The following ODR4 variants were observed in gnomAD, a reference collection of about 807,000 sequenced individuals.
ODR4 encodes the protein odr-4 GPCR localization factor homolog.
ODR4 carries 47 observed loss-of-function variants against 60.2 expected under a neutral mutation model. The observed-to-expected ratio is 0.78, with a 90% CI of 0.62 to 1.00. The LOEUF (loss-of-function observed/expected upper bound fraction) is 1.00, where lower values mean the gene tolerates loss of function less well. ODR4 is among the 50% of genes least tolerant of loss of function. The pLI is 0.00. For missense variants in ODR4, 488 were observed against 530.8 expected, an observed-to-expected ratio of 0.92 and a Z score of 0.79; for synonymous variants, 178 against 175.5, an observed-to-expected ratio of 1.01 and a Z score of -0.11.
intron 12 of ODR4, among the ~76,000 whole-genome samples, chr1:186,413,224 T>C (rs747268566): frequency 7.9e-5 from 12 of 151,400 alleles, no homozygotes; most frequent in Non-Finnish European, 1.6e-4. Context: ...ACATTTTGGG[T>C]TTTGGATTTC....
intron 3 of ODR4, 133 bp downstream of exon 3, chr1:186,383,289 G>T: frequency 1.0e-6 from 1 of 994,178 alleles, no homozygotes. Context: ...TTTTTAGTCT[G>T]GGTGTCTAGG....
At chr1:186,409,596 A>C (rs989675500) in intron 12 of ODR4, among the ~76,000 whole-genome samples, 1 of 152,214 alleles carries the variant, frequency 6.6e-6, no homozygotes, top group African/African-American at 2.4e-5. Flanking sequence ...CCCAAGCTGG[A>C]TTGCAATGTT....
chr1:186,409,926 A>G (rs1661308374), intron 12 of ODR4, among the ~76,000 whole-genome samples: 1 of 152,194 alleles, frequency 6.6e-6, no homozygotes, highest in Admixed American at 6.5e-5. Context: ...AAACTCCTTC[A>G]CTAAACTTTC....
rs969880405 is a variant in ODR4, at chr1:186,419,904, G to T, written c.*828G>T. ...ACTGTGTGTTTTGTTCTGATCAAGG[G>T]GTAGGGAACCTTTCCAGAGAAGTCC... is the stretch of plus-strand genomic sequence containing the variant. On this transcript the variant is annotated 3_prime_UTR_variant, in exon 14 of 14. Coordinates refer to ENST00000287859, the MANE Select transcript of ODR4 (RefSeq NM_017847.6). 6.6e-6 allele frequency: 1 copy of T among 151,938 alleles called. No homozygotes were observed. The highest frequency in any genetic ancestry group is 1.9e-4 in the East Asian group (1 of 5,182). 9.4% of individuals were successfully genotyped at this position (151,938 alleles called of 1,614,324 possible).
At chr1:186,423,085 A>T (rs1049563100), downstream of ODR4, among the ~76,000 whole-genome samples, 2 of 152,186 alleles carry the variant, frequency 1.3e-5, no homozygotes, top group African/African-American at 4.8e-5. Flanking sequence ...CTCAGGAAGA[A>T]ATAGAAAAGC....
downstream of ODR4, among the ~76,000 whole-genome samples, chr1:186,425,531 T>C (rs1329136805): frequency 6.6e-6 from 1 of 152,174 alleles, no homozygotes; most frequent in African/African-American, 2.4e-5. Context: ...TCCATGACTT[T>C]TCCATTAGAA....
chr1:186,427,960 C>T, the ODR4 span, among the ~76,000 whole-genome samples: 7 of 152,284 alleles, frequency 4.6e-5, no homozygotes, highest in South Asian at 2.1e-4. Flanking sequence ...GGAAAGTAGA[C>T]GTGCTGTCAT....
At chr1:186,405,838 C>T (rs1046805200) in intron 11 of ODR4, among the ~76,000 whole-genome samples, 11 of 152,152 alleles carry the variant, frequency 7.2e-5, no homozygotes, top group African/African-American at 1.2e-4. Flanking sequence ...AGGCATGAGC[C>T]ACCGCGCCTG....
Position 186,419,325 on chromosome 1 carries a change from A to T in ODR4, c.*249A>T. ...AGATGGAAGCTGCATGTAACAAATC[A>T]TTATTATCTATTTTTAAAAGCTTCA... On this transcript the variant is annotated 3_prime_UTR_variant, in exon 14 of 14. Transcript: ENST00000287859. 2.1e-6 allele frequency: 1 copy of T among 483,852 alleles called. No homozygotes were observed. The highest frequency in any genetic ancestry group is 2.7e-5 in the South Asian group (1 of 37,572). The allele number at this position is 483,852 out of a possible 1,614,324, so 30.0% of individuals were successfully genotyped here. A position where few individuals can be genotyped will look rare whatever the true frequency, so the allele number is the denominator to read the frequency against.
Position 186,390,781 on chromosome 1 carries a change from C to G in ODR4, c.545C>G (p.Thr182Arg). 1.2e-6 allele frequency: 2 copies of G among 1,612,392 alleles called. No homozygotes were observed. Among genetic ancestry groups the G allele is most frequent in the African/African-American group, 1.3e-5 (1 of 74,984 alleles). Residue 182 changes from threonine to arginine, a missense_variant, in exon 7 of 14, where the codon ACA becomes AGA. Transcript: ENST00000287859. ...LSSSWLSLECTVHINIHIPLS... is the reference protein window; with the variant it reads ...LSSSWLSLECRVHINIHIPLS... Reference sequence around the variant, plus strand: ...TCCTCATGGCTTTCTTTAGAGTGTACAGTTCACATTAATATTCACATCCCA... The same window carrying G: ...TCCTCATGGCTTTCTTTAGAGTGTAGAGTTCACATTAATATTCACATCCCA...
At chr1:186,433,335 A>C in the ODR4 span, among the ~76,000 whole-genome samples, 1 of 151,994 alleles carries the variant, frequency 6.6e-6, no homozygotes, top group Non-Finnish European at 1.5e-5. Context: ...TTAAGTTTTA[A>C]GAATTTCAGA....
chr1:186,415,722 A>C (rs927474286), intron 12 of ODR4, among the ~76,000 whole-genome samples: 1 of 152,232 alleles, frequency 6.6e-6, no homozygotes, highest in Non-Finnish European at 1.5e-5. Context: ...GAAAACTATT[A>C]GCCTGTGTGG....
At chr1:186,387,728 C>T (rs1660307375) in intron 4 of ODR4, among the ~76,000 whole-genome samples, 1 of 152,132 alleles carries the variant, frequency 6.6e-6, no homozygotes, top group African/African-American at 2.4e-5. Context: ...TTGTTTTTAG[C>T]TTACAGACCA....
intron 13 of ODR4, among the ~76,000 whole-genome samples, chr1:186,418,325 C>T (rs1199676803): frequency 7.6e-6 from 1 of 131,242 alleles, no homozygotes; most frequent in African/African-American, 2.8e-5. Context: ...GAGTCTCGCT[C>T]TGTCGCCCAG....
At chr1:186,398,894 A>C (rs1660802548) in intron 10 of ODR4, 60 bp from the exon 11 acceptor site, 2 of 1,233,960 alleles carry the variant, frequency 1.6e-6, no homozygotes, top group Non-Finnish European at 2.3e-6. Flanking sequence ...TGTTAGTTAA[A>C]TATTGTAAAT....
chr1:186,418,369 C>A (rs1411584050), intron 13 of ODR4, among the ~76,000 whole-genome samples: 5 of 149,832 alleles, frequency 3.3e-5, no homozygotes, highest in African/African-American at 1.2e-4. Context: ...CGGCTCACTG[C>A]AAGCTCCGCT....
At chr1:186,382,842 G>T (rs1270556810) in intron 2 of ODR4, among the ~76,000 whole-genome samples, 180 bp from the exon 3 acceptor site, 1 of 152,120 alleles carries the variant, frequency 6.6e-6, no homozygotes, top group Non-Finnish European at 1.5e-5. Flanking sequence ...AGATTGTAAG[G>T]CCATCCTTGA....
In ODR4 at chr1:186,420,100, TAGG is replaced by T. The variant is rs1327088411; in HGVS notation, c.*1027_*1029del. On this transcript the variant is annotated 3_prime_UTR_variant, in exon 14 of 14. Coordinates refer to ENST00000287859, the MANE Select transcript of ODR4 (RefSeq NM_017847.6). ...CTGCTTTTAATAGGTTCACTGGAAG[TAGG>T]AGAATTTTCAAGAACCATACTTCGA... The T allele has an allele frequency of 4.6e-5, 7 of 152,218 alleles. No homozygotes were observed. In the East Asian group the frequency reaches 1.4e-3, roughly 29 times the overall value. 9.4% of individuals were successfully genotyped at this position (152,218 alleles called of 1,614,324 possible).
chr1:186,430,375 T>C, the ODR4 span, among the ~76,000 whole-genome samples: 1 of 152,130 alleles, frequency 6.6e-6, no homozygotes, highest in Non-Finnish European at 1.5e-5. Flanking sequence ...AAAACTATCC[T>C]TTATTCAACT....
Sources: allele counts gnomAD v4.1 joint callset (sites outside exome capture counted in the v4.1 genomes callset), GRCh38; gene constraint gnomAD v4.1.1; transcripts MANE v1.5; gene names NCBI Gene and HGNC (gene_info 2026-07-23, HGNC 2026-07-21).